PRKCE: variants seen among roughly 807,000 people sequenced by gnomAD.
PRKCE encodes the protein protein kinase C epsilon type.
Under a neutral mutation model 85.4 loss-of-function variants are expected in PRKCE, and 16 were observed. The observed-to-expected ratio is 0.19, with a 90% CI of 0.13 to 0.28. The LOEUF is 0.28. PRKCE is among the 10% of genes least tolerant of loss of function. The pLI is 1.00. For synonymous variants in PRKCE, 388 were observed against 371.5 expected, an observed-to-expected ratio of 1.04 and a Z score of -0.51; for missense variants, 573 against 975.2, an observed-to-expected ratio of 0.59 and a Z score of 5.49.
In PRKCE at chr2:45,774,684, C is replaced by T. The variant is rs1045874513; in HGVS notation, c.349-68316C>T. ...GACAGACAGGCTGTGGTCTGTGAGA[C>T]TACCTGATTTCCCACCTTGCCTTCT... On this transcript the variant is annotated intron_variant, in intron 1 of 14. Transcript: ENST00000306156. The surrounding 1 kb of genome is among the most constrained non-coding windows in gnomAD (Gnocchi z 4.3). Among the ~76,000 whole-genome samples, 4 of 152,258 alleles carry T rather than the reference C, an allele frequency of 2.6e-5. No homozygotes were observed. Among genetic ancestry groups the T allele is most frequent in the South Asian group, 2.1e-4 (1 of 4,812 alleles).
intron 2 of PRKCE, among the ~76,000 whole-genome samples, chr2:45,899,369 TA>T (rs1040525271): frequency 6.6e-6 from 1 of 151,894 alleles, no homozygotes; most frequent in African/African-American, 2.4e-5. Flanking sequence ...CAAGTCTTTT[TA>T]AAAAATTTTT....
At chr2:45,660,931 C>G (rs973663347) in intron 1 of PRKCE, among the ~76,000 whole-genome samples, 4 of 151,980 alleles carry the variant, frequency 2.6e-5, no homozygotes, top group African/African-American at 9.7e-5. Flanking sequence ...AATTGAAACT[C>G]CAGAGGAAAT....
intron 2 of PRKCE, among the ~76,000 whole-genome samples, chr2:45,961,990 C>T (rs542756110): frequency 5.9e-5 from 9 of 152,270 alleles, no homozygotes; most frequent in South Asian, 2.1e-4. Flanking sequence ...CCACCGCGCC[C>T]GGCTGCCAGG....
chr2:46,012,686 C>T (rs903199365), intron 10 of PRKCE, among the ~76,000 whole-genome samples: 7 of 152,280 alleles, frequency 4.6e-5, no homozygotes, highest in South Asian at 2.1e-4. Context: ...AGCCCCTGTA[C>T]GTGGTGGATC....
At chr2:45,958,590 C>A (rs1478528185) in intron 2 of PRKCE, among the ~76,000 whole-genome samples, 2 of 149,980 alleles carry the variant, frequency 1.3e-5, no homozygotes, top group Non-Finnish European at 3.0e-5. Context: ...CAGGGAGCAC[C>A]CCCTTGAGAT....
intron 1 of PRKCE, among the ~76,000 whole-genome samples, chr2:45,766,971 G>T (rs544991440): frequency 2.0e-5 from 3 of 151,972 alleles, no homozygotes; most frequent in Admixed American, 1.3e-4. Context: ...AACCTGGGAG[G>T]TGGAGGTTGC....
chr2:45,800,693 G>A (rs961750995), intron 1 of PRKCE, among the ~76,000 whole-genome samples: 1 of 152,202 alleles, frequency 6.6e-6, no homozygotes, highest in Non-Finnish European at 1.5e-5. Flanking sequence ...CAACCTATGG[G>A]GTTCAAGGCA....
At position 45,681,506 on chromosome 2, in the gene PRKCE, A is replaced by G. The variant is rs531092593; in HGVS notation, c.348+29058A>G. Among the ~76,000 whole-genome samples, 4 of 152,224 alleles carry G rather than the reference A, an allele frequency of 2.6e-5. No individual in the cohort carries two copies. The South Asian group carries it at 8.3e-4, about 32-fold the overall frequency. On this transcript the variant is annotated intron_variant, in intron 1 of 14. Coordinates refer to ENST00000306156, the MANE Select transcript of PRKCE (RefSeq NM_005400.3). ...TGTCAGAGTACCCAGGTAGGCGTTT[A>G]TGATGCACCTAAGTACAGGCCAGCC...
intron 1 of PRKCE, among the ~76,000 whole-genome samples, chr2:45,711,632 A>G (rs1679646296): frequency 6.6e-6 from 1 of 152,060 alleles, no homozygotes; most frequent in Admixed American, 6.6e-5. Flanking sequence ...TATTGTTATT[A>G]TTTATGTAAT....
At chr2:45,817,123 C>T (rs1158559337) in intron 1 of PRKCE, among the ~76,000 whole-genome samples, 1 of 137,108 alleles carries the variant, frequency 7.3e-6, no homozygotes, top group Non-Finnish European at 1.6e-5. Context: ...TGGGTAGGGA[C>T]ATGCCCCAGG....
intron 1 of PRKCE, among the ~76,000 whole-genome samples, chr2:45,818,249 T>G (rs893613719): frequency 6.6e-6 from 1 of 152,196 alleles, no homozygotes; most frequent in Non-Finnish European, 1.5e-5. Flanking sequence ...ATTCCAAATA[T>G]TTGGGACTGA....
intron 2 of PRKCE, among the ~76,000 whole-genome samples, chr2:45,911,467 T>C (rs1205643575): frequency 6.6e-6 from 1 of 152,228 alleles, no homozygotes; most frequent in Non-Finnish European, 1.5e-5. Flanking sequence ...CAGCTGTGAC[T>C]ATTTCCAGGA....
chr2:46,039,779 A>G (rs1708112725), intron 10 of PRKCE, among the ~76,000 whole-genome samples: 4 of 152,176 alleles, frequency 2.6e-5, no homozygotes, highest in African/African-American at 9.7e-5. Context: ...GAGGCTCTTC[A>G]ATTAGACACA....
At chr2:45,800,399 A>T (rs1275067677) in intron 1 of PRKCE, among the ~76,000 whole-genome samples, 2 of 152,350 alleles carry the variant, frequency 1.3e-5, no homozygotes, top group East Asian at 3.9e-4. Context: ...CAGGTTGCCT[A>T]TGTCATTGGT....
chr2:45,744,535 C>CTTCTTTCTTTCT (rs1236280845), intron 1 of PRKCE, among the ~76,000 whole-genome samples: 1 of 29,100 alleles, frequency 3.4e-5, no homozygotes. Flanking sequence ...TTTTTCTTTC[C>CTTCTTTCTTTCT]TTCTTTCTTT....
At chr2:45,880,700 G>C (rs1694816015) in intron 2 of PRKCE, among the ~76,000 whole-genome samples, 1 of 152,104 alleles carries the variant, frequency 6.6e-6, no homozygotes. Context: ...CCGGCCTCTA[G>C]GAAAGAATGC....
At chr2:46,035,654 G>C (rs1034451142) in intron 10 of PRKCE, among the ~76,000 whole-genome samples, 14 of 152,306 alleles carry the variant, frequency 9.2e-5, no homozygotes, top group African/African-American at 3.4e-4. Flanking sequence ...CCATATATGT[G>C]CGTGTGTATA....
intron 1 of PRKCE, among the ~76,000 whole-genome samples, chr2:45,723,671 C>G (rs763288405): frequency 1.3e-5 from 2 of 152,150 alleles, no homozygotes; most frequent in African/African-American, 4.8e-5. Context: ...GTGGCGCGAT[C>G]TCGGCTCACT....
At chr2:45,817,517 C>T (rs960623831) in intron 1 of PRKCE, among the ~76,000 whole-genome samples, 2 of 139,368 alleles carry the variant, frequency 1.4e-5, no homozygotes, top group East Asian at 4.1e-4. Flanking sequence ...CACGGTGAAA[C>T]CCCGTCTCTA....
Sources: allele counts gnomAD v4.1 joint callset (sites outside exome capture counted in the v4.1 genomes callset), GRCh38; gene constraint gnomAD v4.1.1; non-coding constraint Gnocchi (gnomAD v3.1); transcripts MANE v1.5; gene names NCBI Gene and HGNC (gene_info 2026-07-23, HGNC 2026-07-21).